FRMD4A: variants seen among roughly 807,000 people sequenced by gnomAD.
The protein encoded by FRMD4A is FERM domain-containing protein 4A.
FRMD4A carries 29 observed loss-of-function variants against 129.1 expected under a neutral mutation model. The observed-to-expected ratio is 0.22, with a 90% CI of 0.17 to 0.31. FRMD4A has a LOEUF of 0.31. FRMD4A is among the 10% of genes least tolerant of loss of function. The pLI is 1.00. For synonymous variants in FRMD4A, 634 were observed against 571.6 expected (o/e 1.11, Z -1.56); for missense variants, 1,272 against 1,375.8 (o/e 0.92, Z 1.19).
chr10:14,306,890 G>C (rs113645844), intron 2 of FRMD4A, among the ~76,000 whole-genome samples: 3 of 152,156 alleles, frequency 2.0e-5, no homozygotes, highest in African/African-American at 7.2e-5. Flanking sequence ...TGTATGGGGC[G>C]GGATGGGGAG....
At chr10:13,876,097 G>A (rs2131102514) in intron 2 of FRMD4A, among the ~76,000 whole-genome samples, 1 of 152,308 alleles carries the variant, frequency 6.6e-6, no homozygotes, top group South Asian at 2.1e-4. Context: ...CATCAGGAAG[G>A]GACCAGAGAC....
intron 2 of FRMD4A, among the ~76,000 whole-genome samples, chr10:14,188,537 T>G (rs770561493): frequency 1.1e-4 from 16 of 152,188 alleles, no homozygotes; most frequent in Non-Finnish European, 1.2e-4. Context: ...AATCCAAACT[T>G]TAATCAAAGA....
intron 2 of FRMD4A, among the ~76,000 whole-genome samples, chr10:13,981,985 C>A (rs770513595): frequency 1.3e-5 from 2 of 152,152 alleles, no homozygotes; most frequent in Non-Finnish European, 2.9e-5. Flanking sequence ...GCCTTAGAAG[C>A]AGCTCTCTCT....
At chr10:13,722,229 T>C (rs1019467521) in intron 12 of FRMD4A, among the ~76,000 whole-genome samples, 2 of 141,576 alleles carry the variant, frequency 1.4e-5, no homozygotes, top group Non-Finnish European at 3.0e-5. Flanking sequence ...CCAGGGCTCT[T>C]TTTTTTTTTT....
chr10:13,714,880 AT>A (rs2088622461), intron 12 of FRMD4A, among the ~76,000 whole-genome samples: 1 of 151,648 alleles, frequency 6.6e-6, no homozygotes, highest in Admixed American at 6.6e-5. Flanking sequence ...TCTACTAAAA[AT>A]ACAAAAAATT....
chr10:14,096,269 G>A (rs569363702), intron 2 of FRMD4A, among the ~76,000 whole-genome samples: 8 of 152,258 alleles, frequency 5.3e-5, no homozygotes, highest in South Asian at 4.2e-4. Flanking sequence ...GTGAGAAACG[G>A]GCCCTCACCA....
chr10:14,175,090 GC>G (rs780941787), intron 2 of FRMD4A, among the ~76,000 whole-genome samples: 2 of 152,162 alleles, frequency 1.3e-5, no homozygotes, highest in African/African-American at 2.4e-5. Context: ...ACTTCTTTAT[GC>G]TTGAGGAATT....
intron 2 of FRMD4A, among the ~76,000 whole-genome samples, chr10:14,225,741 A>G (rs1272099307): frequency 2.0e-5 from 3 of 152,232 alleles, no homozygotes. Context: ...TTCCCTCTGT[A>G]GCTCTTCTGT....
chr10:13,668,343 T>C (rs886194412), intron 17 of FRMD4A: 1 of 152,208 alleles, frequency 6.6e-6, no homozygotes, highest in African/African-American at 2.4e-5. Flanking sequence ...GCTGTTACAA[T>C]GGCCCTGGCA....
chr10:13,942,689 C>T (rs941899014), intron 2 of FRMD4A, among the ~76,000 whole-genome samples: 1 of 152,042 alleles, frequency 6.6e-6, no homozygotes, highest in African/African-American at 2.4e-5. Flanking sequence ...AATCCCAGCA[C>T]TTTAGGAGGC....
intron 2 of FRMD4A, among the ~76,000 whole-genome samples, chr10:14,201,755 G>A (rs917171029): frequency 6.6e-6 from 1 of 152,194 alleles, no homozygotes; most frequent in Non-Finnish European, 1.5e-5. Context: ...ATCTGGACAC[G>A]TAGCAAATGA....
chr10:14,308,539 T>C (rs890743022), intron 2 of FRMD4A, among the ~76,000 whole-genome samples: 2 of 152,226 alleles, frequency 1.3e-5, no homozygotes, highest in Non-Finnish European at 1.5e-5. Flanking sequence ...TTCCTATGAT[T>C]TAGTGAACTC....
At chr10:14,319,657 G>C (rs1009154363) in intron 2 of FRMD4A, among the ~76,000 whole-genome samples, 1 of 152,110 alleles carries the variant, frequency 6.6e-6, no homozygotes, top group African/African-American at 2.4e-5. Context: ...CACTCCATTA[G>C]AATGCACCTC....
chr10:13,761,248 C>A (rs1429190248), intron 8 of FRMD4A, among the ~76,000 whole-genome samples: 2 of 152,162 alleles, frequency 1.3e-5, no homozygotes, highest in Non-Finnish European at 2.9e-5. Context: ...CCTTGAGGGG[C>A]AGGGACTACA....
intron 2 of FRMD4A, among the ~76,000 whole-genome samples, chr10:13,944,511 C>T (rs896231307): frequency 6.6e-6 from 1 of 151,996 alleles, no homozygotes; most frequent in African/African-American, 2.4e-5. Flanking sequence ...ATGTAATGTG[C>T]TTAAATCATC....
rs1303548787 is a variant in FRMD4A, at chr10:13,873,795, C to T, written c.46-14883G>A. Among the ~76,000 whole-genome samples the T allele has an allele frequency of 3.3e-5, 5 of 151,976 alleles. No individual in the cohort carries two copies. In the East Asian group the frequency reaches 9.8e-4, roughly 30 times the overall value. Reference sequence around the variant, plus strand: ...CTCCTGACCTCTGGTGATCTGTCCACCTTGGCCTCCCAAAGTGCTGAGATT... The same window carrying T: ...CTCCTGACCTCTGGTGATCTGTCCATCTTGGCCTCCCAAAGTGCTGAGATT... On this transcript the variant is annotated intron_variant, in intron 2 of 24. Coordinates refer to ENST00000357447, the MANE Select transcript of FRMD4A (RefSeq NM_018027.5).
In FRMD4A at chr10:13,644,224, C is replaced by A. The variant is rs1432435266; in HGVS notation, c.*2814G>T. The A allele has an allele frequency of 6.6e-6, 1 of 152,228 alleles. No individual in the cohort carries two copies. Among genetic ancestry groups the A allele is most frequent in the Non-Finnish European group, 1.5e-5 (1 of 68,030 alleles). The allele number at this position is 152,228 out of a possible 1,614,324, so 9.4% of individuals were successfully genotyped here. A position where few individuals can be genotyped will look rare whatever the true frequency, so the allele number is the denominator to read the frequency against. On this transcript the variant is annotated 3_prime_UTR_variant, in exon 25 of 25. Coordinates refer to ENST00000357447, the MANE Select transcript of FRMD4A (RefSeq NM_018027.5). The stretch of plus-strand genomic sequence containing the variant: ...GTCTTCTGGCTGAAACAGGCAATTT[C>A]TTTTACGCATCCGAAGAATCCAATA...
At chr10:13,684,644 C>T (rs1400103699) in intron 15 of FRMD4A, 7 of 985,144 alleles carry the variant, frequency 7.1e-6, no homozygotes, top group Admixed American at 1.2e-4. Flanking sequence ...CGGATATGAG[C>T]GCACATTCTG....
At chr10:14,164,289 G>C (rs1028855133) in intron 2 of FRMD4A, among the ~76,000 whole-genome samples, 5 of 152,200 alleles carry the variant, frequency 3.3e-5, no homozygotes, top group African/African-American at 1.2e-4. Flanking sequence ...CTCTGGCTGG[G>C]AGAATGGCAG....
Sources: allele counts gnomAD v4.1 joint callset (sites outside exome capture counted in the v4.1 genomes callset), GRCh38; gene constraint gnomAD v4.1.1; transcripts MANE v1.5; gene names NCBI Gene and HGNC (gene_info 2026-07-23, HGNC 2026-07-21).